The following RIT2 variants were observed in gnomAD, a reference collection of about 807,000 sequenced individuals.
RIT2 encodes Ras like without CAAX 2.
A neutral mutation model predicts 23.7 loss-of-function variants in RIT2; 24 were observed. The ratio of observed to expected loss-of-function variants is 1.01; its 90% CI spans 0.73 to 1.43. The LOEUF (loss-of-function observed/expected upper bound fraction) is 1.43. Among genes scored for constraint, RIT2 ranks in the 40% most tolerant of loss-of-function variants. The pLI, the probability that RIT2 is intolerant of heterozygous loss-of-function variation, is 0.00. For synonymous variants in RIT2, 107 were observed against 91.1 expected (o/e 1.17, Z -0.99); for missense variants, 236 against 266.9 (o/e 0.88, Z 0.81).
At chr18:42,754,834 C>G (rs929836540) in intron 4 of RIT2, among the ~76,000 whole-genome samples, 1 of 152,166 alleles carries the variant, frequency 6.6e-6, no homozygotes, top group East Asian at 1.9e-4. Context: ...ATAATGAGTT[C>G]ATAAAACTGA....
chr18:42,891,609 C>T (rs1257313892), intron 4 of RIT2, among the ~76,000 whole-genome samples: 1 of 152,042 alleles, frequency 6.6e-6, no homozygotes, highest in Admixed American at 6.6e-5. Context: ...GGAATAACTT[C>T]AAATTCATAT....
intron 4 of RIT2, among the ~76,000 whole-genome samples, chr18:42,857,907 A>G (rs1232937649): frequency 6.6e-6 from 1 of 152,176 alleles, no homozygotes; most frequent in African/African-American, 2.4e-5. Flanking sequence ...CAGGCTGTGC[A>G]CGGTGGCTCA....
chr18:43,061,593 T>C (rs1912646398), intron 1 of RIT2, among the ~76,000 whole-genome samples: 1 of 152,050 alleles, frequency 6.6e-6, no homozygotes, highest in Non-Finnish European at 1.5e-5. Flanking sequence ...TTCATTTCTG[T>C]TTTACCCACT....
At chr18:42,758,521 TTTTTA>T (rs1465119975) in intron 4 of RIT2, among the ~76,000 whole-genome samples, 6 of 151,436 alleles carry the variant, frequency 4.0e-5, no homozygotes, top group Non-Finnish European at 7.4e-5. Flanking sequence ...TTTATTTTTA[TTTTTA>T]TTTTGAGAAG....
At chr18:42,867,185 G>A (rs892641342) in intron 4 of RIT2, among the ~76,000 whole-genome samples, 1 of 152,188 alleles carries the variant, frequency 6.6e-6, no homozygotes, top group African/African-American at 2.4e-5. Flanking sequence ...TTAATTAAAT[G>A]TGGCTGGTGA....
chr18:42,951,802 T>TA (rs2144173685), intron 3 of RIT2, among the ~76,000 whole-genome samples: 1 of 152,234 alleles, frequency 6.6e-6, no homozygotes, highest in South Asian at 2.1e-4. Context: ...ATGTGGTTTA[T>TA]ATACATACAC....
chr18:42,864,000 C>A (rs550589986), intron 4 of RIT2, among the ~76,000 whole-genome samples: 23 of 149,332 alleles, frequency 1.5e-4, no homozygotes, highest in African/African-American at 5.8e-4. Context: ...GGGGAACTAG[C>A]AACTCTATTC....
intron 1 of RIT2, among the ~76,000 whole-genome samples, chr18:43,078,590 C>G (rs1913079304): frequency 6.6e-6 from 1 of 152,158 alleles, no homozygotes; most frequent in African/African-American, 2.4e-5. Flanking sequence ...ACATCACTGG[C>G]TCTGTGTACT....
intron 4 of RIT2, among the ~76,000 whole-genome samples, chr18:42,786,973 G>A (rs1043183223): frequency 6.6e-6 from 1 of 152,084 alleles, no homozygotes; most frequent in Non-Finnish European, 1.5e-5. Context: ...GACAGGAAAA[G>A]TGGAGTCTTT....
At chr18:43,074,450 T>C (rs747577819) in intron 1 of RIT2, among the ~76,000 whole-genome samples, 1 of 152,238 alleles carries the variant, frequency 6.6e-6, no homozygotes, top group Non-Finnish European at 1.5e-5. Flanking sequence ...GTTTATGTTA[T>C]ATAAAATTCC....
chr18:43,076,460 C>T (rs983903585), intron 1 of RIT2, among the ~76,000 whole-genome samples: 1 of 151,908 alleles, frequency 6.6e-6, no homozygotes, highest in Non-Finnish European at 1.5e-5. Flanking sequence ...AATCATCCTG[C>T]CTTACATAGT....
intron 1 of RIT2, among the ~76,000 whole-genome samples, chr18:43,044,131 T>C (rs1912193357): frequency 6.6e-6 from 1 of 152,172 alleles, no homozygotes. Flanking sequence ...AGGGAGGTAC[T>C]AAGAATAGTA....
chr18:42,934,859 C>T (rs575375285), intron 3 of RIT2, among the ~76,000 whole-genome samples: 5 of 152,202 alleles, frequency 3.3e-5, no homozygotes, highest in African/African-American at 9.6e-5. Context: ...TCTCTTGCCC[C>T]TCAAAGTGCA....
intron 4 of RIT2, among the ~76,000 whole-genome samples, chr18:42,885,731 A>G (rs8091643): frequency 0.13 from 20,152 of 152,214 alleles, 1,363 homozygotes; most frequent in Middle Eastern, 0.26. Flanking sequence ...CTTTCCATGG[A>G]GATATTACAA....
chr18:42,830,585 T>C (rs1873931161), intron 4 of RIT2, among the ~76,000 whole-genome samples: 1 of 152,190 alleles, frequency 6.6e-6, no homozygotes. Context: ...GTAACGTGTA[T>C]AGAGCCAAGC....
At chr18:43,018,643 C>A (rs565736692) in intron 2 of RIT2, among the ~76,000 whole-genome samples, 16 of 151,768 alleles carry the variant, frequency 1.1e-4, no homozygotes, top group African/African-American at 2.9e-4. Context: ...AAAGAAAAAA[C>A]CAAAACCAAA....
intron 2 of RIT2, among the ~76,000 whole-genome samples, chr18:42,994,670 C>T (rs141565555): frequency 0.038 from 5,762 of 152,148 alleles, 156 homozygotes; most frequent in Middle Eastern, 0.14. Flanking sequence ...ACCGGGATCG[C>T]GTCCTGTAGC....
intron 2 of RIT2, among the ~76,000 whole-genome samples, chr18:42,996,008 T>C (rs574360397): frequency 2.7e-4 from 41 of 152,286 alleles, no homozygotes; most frequent in Non-Finnish European, 4.4e-4. Flanking sequence ...ATAAATAATC[T>C]TTGCTGGTAG....
At chr18:42,972,429 G>GT (rs1404508826) in intron 3 of RIT2, among the ~76,000 whole-genome samples, 1 of 151,784 alleles carries the variant, frequency 6.6e-6, no homozygotes, top group East Asian at 1.9e-4. Context: ...CAATTATGCA[G>GT]TTTTTTTAAA....
Sources: allele counts gnomAD v4.1 joint callset (sites outside exome capture counted in the v4.1 genomes callset), GRCh38; gene constraint gnomAD v4.1.1; transcripts MANE v1.5; gene names NCBI Gene and HGNC (gene_info 2026-07-23, HGNC 2026-07-21).